The following NXPE2 variants were observed in gnomAD, a reference collection of about 807,000 sequenced individuals.
The protein encoded by NXPE2 is neurexophilin and PC-esterase domain family member 2.
Under a neutral mutation model 34.4 loss-of-function variants are expected in NXPE2, and 34 were observed. That is an observed-to-expected ratio of 0.99 (90% CI 0.75 to 1.31). The LOEUF is 1.31. Among genes scored for constraint, NXPE2 ranks in the 40% most tolerant of loss-of-function variants. The pLI is 0.00. For missense variants in NXPE2, 649 were observed against 672.5 expected (o/e 0.97, Z 0.39); for synonymous variants, 235 against 231.3 (o/e 1.02, Z -0.15).
the NXPE2 span, among the ~76,000 whole-genome samples, chr11:114,673,075 T>TTA: frequency 6.8e-6 from 1 of 147,888 alleles, no homozygotes; most frequent in African/African-American, 2.5e-5. Flanking sequence ...TATATATATA[T>TTA]TATATATATA....
the NXPE2 span, among the ~76,000 whole-genome samples, chr11:114,634,963 A>G: frequency 1.3e-5 from 2 of 151,980 alleles, no homozygotes; most frequent in East Asian, 1.9e-4. Flanking sequence ...TTTTGGTTCC[A>G]TATGAACTTT....
In NXPE2 at chr11:114,698,691, A is replaced by G. The variant is rs1220440523; in HGVS notation, c.779A>G (p.His260Arg). The G allele has an allele frequency of 6.2e-7, 1 of 1,613,994 alleles. No individual in the cohort carries two copies. Residue 260 changes from histidine (H) to arginine (R), a missense_variant, in exon 3 of 6, where the codon CAT becomes CGT. By Grantham distance (29) the His-to-Arg change is conservative. Transcript: ENST00000389586. Reference protein sequence around the residue: ...QEAFYCVRPQHMPCEALTHMT... With the variant: ...QEAFYCVRPQRMPCEALTHMT... ...GCCTTCTACTGTGTGAGGCCTCAAC[A>G]TATGCCCTGTGAGGCCTTGACCCAC... is the stretch of plus-strand genomic sequence containing the variant.
the NXPE2 span, chr11:114,530,664 C>T: frequency 1.2e-6 from 2 of 1,614,198 alleles, no homozygotes; most frequent in Non-Finnish European, 8.5e-7. Flanking sequence ...CAGCTGGTCT[C>T]CCCTGCAGTA....
At chr11:114,608,663 G>A in the NXPE2 span, among the ~76,000 whole-genome samples, 44 of 151,590 alleles carry the variant, frequency 2.9e-4, no homozygotes, top group Non-Finnish European at 4.9e-4. Context: ...ACTGTTACCC[G>A]GTGGATAATA....
chr11:114,571,194 T>G, the NXPE2 span: 1 of 1,614,062 alleles, frequency 6.2e-7, no homozygotes, highest in South Asian at 1.1e-5. Flanking sequence ...CAGAAGAAGA[T>G]GCTGAATGGC....
chr11:114,755,079 G>C, the NXPE2 span, among the ~76,000 whole-genome samples: 7 of 152,180 alleles, frequency 4.6e-5, no homozygotes, highest in African/African-American at 1.7e-4. Flanking sequence ...CCTGACTGAA[G>C]GGTTCAGGGG....
chr11:114,557,026 G>A, the NXPE2 span, among the ~76,000 whole-genome samples: 13 of 151,882 alleles, frequency 8.6e-5, no homozygotes, highest in Middle Eastern at 3.4e-3. Flanking sequence ...CTGAGTAGCT[G>A]GGATTACAGG....
chr11:114,583,008 A>G, the NXPE2 span: 1 of 1,610,182 alleles, frequency 6.2e-7, no homozygotes, highest in Middle Eastern at 1.7e-4. Context: ...GGATAAGTTT[A>G]GAGCAGACCA....
At chr11:114,634,252 A>G in the NXPE2 span, among the ~76,000 whole-genome samples, 1 of 152,026 alleles carries the variant, frequency 6.6e-6, no homozygotes, top group South Asian at 2.1e-4. Flanking sequence ...TTGGCTGCAT[A>G]AATGTCTTCT....
the NXPE2 span, among the ~76,000 whole-genome samples, chr11:114,712,235 T>C: frequency 2.0e-5 from 3 of 152,116 alleles, no homozygotes; most frequent in Non-Finnish European, 4.4e-5. Context: ...AGGACAGTAA[T>C]TTCTTGGCTA....
the NXPE2 span, among the ~76,000 whole-genome samples, chr11:114,577,800 A>T: frequency 6.6e-6 from 1 of 152,176 alleles, no homozygotes; most frequent in Non-Finnish European, 1.5e-5. Context: ...CTATTTCCCC[A>T]GCCACTCTTT....
chr11:114,801,987 C>T, the NXPE2 span, among the ~76,000 whole-genome samples: 2 of 152,086 alleles, frequency 1.3e-5, no homozygotes, highest in African/African-American at 4.8e-5. Flanking sequence ...TATAAATTTA[C>T]AAGCCATCAA....
chr11:114,513,894 G>C, the NXPE2 span, among the ~76,000 whole-genome samples: 1 of 152,102 alleles, frequency 6.6e-6, no homozygotes, highest in Non-Finnish European at 1.5e-5. Flanking sequence ...ATTAAATTTT[G>C]AATCGGTATC....
chr11:114,792,833 C>T, the NXPE2 span, among the ~76,000 whole-genome samples: 1 of 152,200 alleles, frequency 6.6e-6, no homozygotes, highest in African/African-American at 2.4e-5. Context: ...GTCCTGACAT[C>T]AGTTCTGTGA....
chr11:114,745,208 A>G, the NXPE2 span, among the ~76,000 whole-genome samples: 1 of 152,174 alleles, frequency 6.6e-6, no homozygotes, highest in African/African-American at 2.4e-5. Flanking sequence ...ATTTATAAAG[A>G]AATGAGGTTT....
the NXPE2 span, among the ~76,000 whole-genome samples, chr11:114,755,898 T>C: frequency 1.3e-5 from 2 of 152,204 alleles, no homozygotes; most frequent in African/African-American, 4.8e-5. Context: ...AGTTTCATAC[T>C]TTTATGACAA....
the NXPE2 span, among the ~76,000 whole-genome samples, chr11:114,575,603 TA>T: frequency 6.7e-6 from 1 of 150,258 alleles, no homozygotes; most frequent in East Asian, 1.9e-4. Flanking sequence ...AGCTGTAAAA[TA>T]AAATAAAATA....
intron 2 of NXPE2, among the ~76,000 whole-genome samples, chr11:114,680,940 C>T (rs989646734): frequency 2.0e-5 from 3 of 152,134 alleles, no homozygotes; most frequent in Non-Finnish European, 4.4e-5. Flanking sequence ...TCACCATCAT[C>T]CCCTAACAAA....
the NXPE2 span, among the ~76,000 whole-genome samples, chr11:114,624,251 A>G: frequency 6.6e-6 from 1 of 151,756 alleles, no homozygotes; most frequent in Admixed American, 6.6e-5. Context: ...AATCACTGTG[A>G]CCCGGTGGAT....
Sources: allele counts gnomAD v4.1 joint callset (sites outside exome capture counted in the v4.1 genomes callset), GRCh38; gene constraint gnomAD v4.1.1; transcripts MANE v1.5; gene names NCBI Gene and HGNC (gene_info 2026-07-23, HGNC 2026-07-21).